Variants in FRMPD4 observed in about 807,000 individuals in gnomAD.
FRMPD4 encodes FERM and PDZ domain containing 4.
A neutral mutation model predicts 94.1 loss-of-function variants in FRMPD4; 22 were observed. The observed-to-expected ratio is 0.23, with a 90% confidence interval of 0.17 to 0.33. FRMPD4 has a LOEUF of 0.33. Ranked by LOEUF, FRMPD4 falls within the 10% of genes least tolerant of loss-of-function variation. The pLI is 1.00. For missense variants in FRMPD4, 1,111 were observed against 1,339.9 expected (o/e 0.83, Z 2.67); for synonymous variants, 631 against 548.6 (o/e 1.15, Z -2.10).
At chrX:12,455,978 G>A (rs2057329210) in intron 1 of FRMPD4, among the ~76,000 whole-genome samples, 1 of 111,205 alleles carries the variant, frequency 9.0e-6, no homozygotes, top group Admixed American at 9.5e-5. Context: ...ATTTTTAGTA[G>A]AGACGGGGTT....
intron 1 of FRMPD4, among the ~76,000 whole-genome samples, chrX:12,340,957 G>A (rs1222312801): frequency 8.9e-6 from 1 of 112,002 alleles, no homozygotes; most frequent in Non-Finnish European, 1.9e-5. Flanking sequence ...TAGCATCCTG[G>A]AGTGAGGACT....
intron 4 of FRMPD4, among the ~76,000 whole-genome samples, chrX:12,667,295 G>A (rs905449610): frequency 3.6e-5 from 4 of 111,696 alleles, no homozygotes; most frequent in Admixed American, 9.5e-5. Context: ...CAAGATTCTC[G>A]AATTCTGACA....
At chrX:12,719,122 A>G (rs1421335302) in intron 16 of FRMPD4, among the ~76,000 whole-genome samples, 1 of 112,638 alleles carries the variant, frequency 8.9e-6, no homozygotes, top group African/African-American at 3.2e-5. Context: ...TTAGAGTCAC[A>G]TAACAGTTTG....
intron 2 of FRMPD4, among the ~76,000 whole-genome samples, chrX:12,549,250 T>G (rs2058509522): frequency 8.9e-6 from 1 of 111,892 alleles, no homozygotes; most frequent in Non-Finnish European, 1.9e-5. Context: ...TATCTAGTTA[T>G]TGTCTTCCCA....
Position 12,716,730 on chromosome X carries a change from G to A in FRMPD4, c.2271G>A (p.Glu757=), listed in dbSNP as rs763874173. The A allele has an allele frequency of 5.0e-6, 6 of 1,211,615 alleles. No homozygotes were observed. Among genetic ancestry groups the A allele is most frequent in the Non-Finnish European group, 5.6e-6 (5 of 895,184 alleles). Residue 757 remains glutamate (E), a synonymous_variant, in exon 15 of 17, where the codon GAG becomes GAA. Transcript: ENST00000675598. ...DAEDEDEVSC[E]EDLVVGEMNQ... ...AGGACGAGGACGAGGTGAGCTGCGA[G>A]GAGGACCTCGTGGTGGGGGAGATGA...
chrX:12,463,681 G>GTGTTTT lies in FRMPD4; in HGVS notation c.42-34998_42-34997insGTTTTT, dbSNP rs1555969426. Reference sequence around the variant, plus strand: ...GGGTGCCTGTGCCTCCTATGTGTGTGTTTTTTTTTTGTTTTTGTTTTTTTT... The same window carrying GTGTTTT: ...GGGTGCCTGTGCCTCCTATGTGTGTGTGTTTTTTTTTTTTTTGTTTTTGTTTTTTTT... On this transcript the variant is annotated intron_variant, in intron 1 of 16. Transcript: ENST00000675598. Among the ~76,000 whole-genome samples, 162 of 51,016 alleles carry GTGTTTT rather than the reference G, an allele frequency of 3.2e-3. 24 individuals are homozygous for GTGTTTT. The highest frequency in any genetic ancestry group is 4.4e-3 in the Admixed American group (17 of 3,852). The allele number at this position is 51,016 out of a possible 115,157, so 44.3% of individuals were successfully genotyped here.
At chrX:12,253,143 G>A (rs959474757) in intron 1 of FRMPD4, among the ~76,000 whole-genome samples, 12 of 111,840 alleles carry the variant, frequency 1.1e-4, no homozygotes, top group African/African-American at 3.6e-4. Flanking sequence ...AATACTGGGC[G>A]GGTTGTGCTC....
intron 1 of FRMPD4, among the ~76,000 whole-genome samples, chrX:12,317,531 A>G (rs1201190151): frequency 9.4e-6 from 1 of 106,676 alleles, no homozygotes; most frequent in African/African-American, 3.5e-5. Flanking sequence ...CAAATTATTC[A>G]TCCAGCAAGG....
At chrX:12,454,822 T>TG (rs1477682015) in intron 1 of FRMPD4, among the ~76,000 whole-genome samples, 1 of 107,209 alleles carries the variant, frequency 9.3e-6, no homozygotes, top group Non-Finnish European at 1.9e-5. Flanking sequence ...CACGTTTTTT[T>TG]TTTTTTTTTA....
At chrX:12,706,988 A>T in intron 12 of FRMPD4, 73 bp downstream of exon 12, 2 of 540,156 alleles carry the variant, frequency 3.7e-6, no homozygotes, top group Non-Finnish European at 3.1e-6. Context: ...CTGATGACAA[A>T]AGCAAATCAG....
At chrX:12,580,126 A>T (rs894510159) in intron 2 of FRMPD4, among the ~76,000 whole-genome samples, 1 of 112,374 alleles carries the variant, frequency 8.9e-6, no homozygotes, top group Non-Finnish European at 1.9e-5. Context: ...GGGAGTTGAC[A>T]CTTGGAAGAA....
At chrX:12,301,189 C>G (rs2054854923) in intron 1 of FRMPD4, among the ~76,000 whole-genome samples, 1 of 111,668 alleles carries the variant, frequency 9.0e-6, no homozygotes, top group Non-Finnish European at 1.9e-5. Flanking sequence ...CTCCCTGACT[C>G]ACTACAGCTG....
chrX:12,424,662 C>T (rs2056925361), intron 1 of FRMPD4, among the ~76,000 whole-genome samples: 1 of 112,477 alleles, frequency 8.9e-6, no homozygotes, highest in South Asian at 3.7e-4. Context: ...ATCTGAAGTT[C>T]AGACTTCAAC....
intron 3 of FRMPD4, among the ~76,000 whole-genome samples, chrX:12,088,397 G>A (rs1479562678): frequency 8.9e-6 from 1 of 111,807 alleles, no homozygotes; most frequent in African/African-American, 3.3e-5. Flanking sequence ...CTTAGGAGTT[G>A]GGATTTCAAC....
At position 12,331,722 on chromosome X, in the gene FRMPD4, A is replaced by AC. The variant is rs1569234136; in HGVS notation, c.42-166958_42-166957insC. Among the ~76,000 whole-genome samples, 21 of 61,236 alleles carry AC rather than the reference A, an allele frequency of 3.4e-4. 5 individuals carry two copies. Among genetic ancestry groups the AC allele is most frequent in the African/African-American group, 1.5e-3 (21 of 13,653 alleles). The allele number at this position is 61,236 out of a possible 115,157, so 53.2% of individuals were successfully genotyped here. A position where few individuals can be genotyped will look rare whatever the true frequency, so the allele number is the denominator to read the frequency against. ...TAAATATATAATATATAATTTATATATAGTATATAAATATATAATTTATAT... is the reference window on the plus strand; with the variant it reads ...TAAATATATAATATATAATTTATATACTAGTATATAAATATATAATTTATAT... On this transcript the variant is annotated intron_variant, in intron 1 of 16. Coordinates refer to ENST00000675598, the MANE Select transcript of FRMPD4 (RefSeq NM_001368397.1).
intron 1 of FRMPD4, among the ~76,000 whole-genome samples, chrX:12,254,742 G>A (rs953621963): frequency 1.8e-5 from 2 of 111,706 alleles, no homozygotes; most frequent in Admixed American, 1.9e-4. Context: ...GAAGTTCTGG[G>A]GGATTGGAGG....
At chrX:12,654,963 C>A (rs6639209) in intron 4 of FRMPD4, among the ~76,000 whole-genome samples, 30,462 of 110,967 alleles carry the variant, frequency 0.27, 3,470 homozygotes, top group East Asian at 0.59. Context: ...TCTCGGTTTT[C>A]TCATTTCCAA....
chrX:12,705,954 A>C (rs1305768989), intron 11 of FRMPD4, among the ~76,000 whole-genome samples: 2 of 112,458 alleles, frequency 1.8e-5, no homozygotes, highest in Non-Finnish European at 3.8e-5. Context: ...TATAGTTAAC[A>C]AATAAGTTGG....
intron 3 of FRMPD4, among the ~76,000 whole-genome samples, chrX:12,614,373 G>T (rs2059214377): frequency 9.1e-6 from 1 of 109,827 alleles, no homozygotes; most frequent in Non-Finnish European, 1.9e-5. Context: ...CTCCTTCTAG[G>T]GGCCTCACCA....
Sources: gnomAD v4.1 joint callset for allele counts (sites outside exome capture counted in the v4.1 genomes callset) on GRCh38, gnomAD v4.1.1 for gene constraint, MANE v1.5 for transcripts, NCBI Gene and HGNC (gene_info 2026-07-23, HGNC 2026-07-21) for gene names.